NXPE2: variants seen among roughly 807,000 people sequenced by gnomAD.
NXPE2 encodes the protein neurexophilin and PC-esterase domain family member 2.
NXPE2 carries 34 observed loss-of-function variants against 34.4 expected under a neutral mutation model. The ratio of observed to expected loss-of-function variants is 0.99; its 90% confidence interval spans 0.75 to 1.31. The LOEUF is 1.31. Among genes scored for constraint, NXPE2 ranks in the 40% most tolerant of loss-of-function variants. The pLI is 0.00. For synonymous variants in NXPE2, 235 were observed against 231.3 expected, an observed-to-expected ratio of 1.02 and a Z score of -0.15; for missense variants, 649 against 672.5, an observed-to-expected ratio of 0.97 and a Z score of 0.39.
the NXPE2 span, among the ~76,000 whole-genome samples, chr11:114,669,668 G>C: frequency 6.6e-6 from 1 of 152,042 alleles, no homozygotes; most frequent in Non-Finnish European, 1.5e-5. Context: ...TTCAGTTCTG[G>C]AGCAATGGCA....
At chr11:114,721,580 CAG>C in the NXPE2 span, among the ~76,000 whole-genome samples, 1 of 152,026 alleles carries the variant, frequency 6.6e-6, no homozygotes, top group African/African-American at 2.4e-5. Flanking sequence ...GACAGGAGGT[CAG>C]AGAGAATGGA....
At chr11:114,721,061 G>A in the NXPE2 span, among the ~76,000 whole-genome samples, 7 of 152,004 alleles carry the variant, frequency 4.6e-5, no homozygotes, top group Non-Finnish European at 8.8e-5. Flanking sequence ...CCCTGCTCCT[G>A]CCCCCACATA....
the NXPE2 span, among the ~76,000 whole-genome samples, chr11:114,809,949 G>A: frequency 1.3e-5 from 2 of 150,618 alleles, no homozygotes; most frequent in South Asian, 2.1e-4. Context: ...TATACTACAC[G>A]GCTACAGTAA....
the NXPE2 span, among the ~76,000 whole-genome samples, chr11:114,596,701 A>T: frequency 6.6e-6 from 1 of 152,192 alleles, no homozygotes; most frequent in Admixed American, 6.5e-5. Flanking sequence ...TATAATAAGA[A>T]AAAAGTATTT....
the NXPE2 span, among the ~76,000 whole-genome samples, chr11:114,759,086 A>ACACACGCGCACACACACG: frequency 1.4e-5 from 2 of 143,742 alleles, no homozygotes; most frequent in African/African-American, 4.9e-5. Flanking sequence ...GCACATGCGT[A>ACACACGCGCACACACACG]CACATGCGCA....
chr11:114,740,344 C>T, the NXPE2 span, among the ~76,000 whole-genome samples: 1 of 152,028 alleles, frequency 6.6e-6, no homozygotes, highest in Admixed American at 6.6e-5. Context: ...ATATAGCTTT[C>T]CATTGGCAGA....
At chr11:114,639,466 T>A in the NXPE2 span, among the ~76,000 whole-genome samples, 1 of 151,540 alleles carries the variant, frequency 6.6e-6, no homozygotes, top group Admixed American at 6.6e-5. Flanking sequence ...CACGCTGCGC[T>A]GCCCCCACTG....
the NXPE2 span, among the ~76,000 whole-genome samples, chr11:114,496,918 A>T: frequency 6.6e-6 from 1 of 152,234 alleles, no homozygotes; most frequent in Admixed American, 6.5e-5. Context: ...GTCATATAAA[A>T]GTATAACATA....
chr11:114,634,696 C>T, the NXPE2 span, among the ~76,000 whole-genome samples: 64,390 of 151,738 alleles, frequency 0.42, 14,999 homozygotes, highest in African/African-American at 0.61. Flanking sequence ...AGTTGGTTTT[C>T]CCAGCACCAT....
the NXPE2 span, among the ~76,000 whole-genome samples, chr11:114,790,934 G>C: frequency 2.0e-5 from 3 of 146,508 alleles, no homozygotes; most frequent in Non-Finnish European, 3.0e-5. Flanking sequence ...TTAAGCACAT[G>C]CCCTCCTGAC....
the NXPE2 span, among the ~76,000 whole-genome samples, chr11:114,805,251 C>T: frequency 6.6e-6 from 1 of 151,566 alleles, no homozygotes; most frequent in Non-Finnish European, 1.5e-5. Flanking sequence ...TCTACAGCTC[C>T]CAGCATGAGC....
chr11:114,630,952 T>G, the NXPE2 span, among the ~76,000 whole-genome samples: 4 of 150,692 alleles, frequency 2.7e-5, no homozygotes, highest in African/African-American at 9.8e-5. Context: ...ATCAGAGAAA[T>G]GCAAATCAAA....
At chr11:114,490,178 T>C in the NXPE2 span, among the ~76,000 whole-genome samples, 1 of 152,170 alleles carries the variant, frequency 6.6e-6, no homozygotes, top group Admixed American at 6.5e-5. Context: ...CAAGAAGAAC[T>C]ACAAACCACT....
chr11:114,715,486 T>G, the NXPE2 span, among the ~76,000 whole-genome samples: 11 of 152,182 alleles, frequency 7.2e-5, no homozygotes, highest in African/African-American at 2.7e-4. Context: ...CTTTGATTGA[T>G]TTATTTTATG....
the NXPE2 span, among the ~76,000 whole-genome samples, chr11:114,772,543 G>A: frequency 1.3e-5 from 2 of 152,078 alleles, no homozygotes; most frequent in Non-Finnish European, 2.9e-5. Context: ...AACAGTGCTA[G>A]CTTCTTTGAA....
chr11:114,492,615 T>C, the NXPE2 span, among the ~76,000 whole-genome samples: 2 of 151,828 alleles, frequency 1.3e-5, no homozygotes, highest in Non-Finnish European at 2.9e-5. Flanking sequence ...CTCGGCTCAC[T>C]GCAAGCTCCG....
the NXPE2 span, chr11:114,530,351 T>C: frequency 6.2e-7 from 1 of 1,614,202 alleles, no homozygotes; most frequent in East Asian, 2.2e-5. Context: ...TCAGGCCACA[T>C]TCAGTGAAGA....
the NXPE2 span, among the ~76,000 whole-genome samples, chr11:114,556,509 G>A: frequency 6.6e-6 from 1 of 151,790 alleles, no homozygotes; most frequent in Admixed American, 6.6e-5. Context: ...TCTCCAGGCT[G>A]CAAGTCTGCA....
chr11:114,686,058 A>G (rs1951040545), intron 2 of NXPE2, among the ~76,000 whole-genome samples: 1 of 152,140 alleles, frequency 6.6e-6, no homozygotes. Context: ...GTTACCATTG[A>G]AAAAAACTCC....
Sources: allele counts gnomAD v4.1 joint callset (sites outside exome capture counted in the v4.1 genomes callset), GRCh38; gene constraint gnomAD v4.1.1; transcripts MANE v1.5; gene names NCBI Gene and HGNC (gene_info 2026-07-23, HGNC 2026-07-21).